The following VPS13B variants were observed in gnomAD, a reference collection of about 807,000 sequenced individuals.
The protein encoded by VPS13B is vacuolar protein sorting 13 homolog B, also known as intermembrane lipid transfer protein VPS13B.
A neutral mutation model predicts 426.4 loss-of-function variants in VPS13B; 285 were observed. The ratio of observed to expected loss-of-function variants is 0.67; its 90% CI spans 0.61 to 0.74. The LOEUF (loss-of-function observed/expected upper bound fraction) is 0.74, where lower values mean the gene tolerates loss of function less well. Ranked by LOEUF, VPS13B falls within the 30% of genes least tolerant of loss-of-function variation. The probability of loss-of-function intolerance (pLI) is 0.00; values close to 1 mark genes in which losing one functional copy is unlikely to be tolerated. For missense variants in VPS13B, 4,537 were observed against 4,782.6 expected (o/e 0.95, Z 1.51); for synonymous variants, 1,676 against 1,676.4 (o/e 1.00, Z 0.01).
At chr8:99,182,862 G>A (rs1335604115) in intron 16 of VPS13B, among the ~76,000 whole-genome samples, 1 of 152,188 alleles carries the variant, frequency 6.6e-6, no homozygotes, top group East Asian at 1.9e-4. Flanking sequence ...TCAGCCTTCT[G>A]AGTAGCTGGG....
chr8:99,393,290 T>C (rs926329998), intron 21 of VPS13B, among the ~76,000 whole-genome samples: 1 of 152,142 alleles, frequency 6.6e-6, no homozygotes, highest in African/African-American at 2.4e-5. Flanking sequence ...TATCAATTCA[T>C]AAATGATATC....
chr8:99,638,238 G>A (rs2096123589), intron 33 of VPS13B, among the ~76,000 whole-genome samples: 1 of 152,020 alleles, frequency 6.6e-6, no homozygotes, highest in Non-Finnish European at 1.5e-5. Context: ...CTAACATGAT[G>A]TTTCCTCTTA....
intron 3 of VPS13B, among the ~76,000 whole-genome samples, chr8:99,076,645 G>T: frequency 7.1e-6 from 1 of 140,138 alleles, no homozygotes; most frequent in Non-Finnish European, 1.5e-5. Context: ...TTCATTTAAA[G>T]TCTGTTTTAT....
intron 31 of VPS13B, among the ~76,000 whole-genome samples, chr8:99,564,786 T>C (rs1220548467): frequency 6.6e-6 from 1 of 152,250 alleles, no homozygotes; most frequent in Non-Finnish European, 1.5e-5. Context: ...GTTCTTTGGC[T>C]TGTCCAGTGT....
chr8:99,569,931 C>T (rs1355584767), intron 31 of VPS13B, among the ~76,000 whole-genome samples: 1 of 152,144 alleles, frequency 6.6e-6, no homozygotes, highest in Non-Finnish European at 1.5e-5. Flanking sequence ...TTTCTATGGA[C>T]ATAATCCTCT....
intron 17 of VPS13B, among the ~76,000 whole-genome samples, chr8:99,269,787 C>T (rs181790120): frequency 6.6e-5 from 10 of 152,228 alleles, no homozygotes; most frequent in African/African-American, 2.2e-4. Flanking sequence ...TTCTATTGCT[C>T]ACATTTGGGG....
At chr8:99,846,869 C>T (rs1816011876) in intron 54 of VPS13B, among the ~76,000 whole-genome samples, 1 of 152,210 alleles carries the variant, frequency 6.6e-6, no homozygotes, top group Admixed American at 6.5e-5. Context: ...TTCGCATCCC[C>T]TCCCTCTCTC....
At chr8:99,044,102 T>TTTTTTTTTG (rs1843095500) in intron 3 of VPS13B, among the ~76,000 whole-genome samples, 1 of 147,030 alleles carries the variant, frequency 6.8e-6, no homozygotes, top group Non-Finnish European at 1.5e-5. Flanking sequence ...TTTTTTTTTT[T>TTTTTTTTTG]GAGACGGAGT....
At chr8:99,130,927 A>T (rs1431159577) in intron 8 of VPS13B, among the ~76,000 whole-genome samples, 1 of 152,208 alleles carries the variant, frequency 6.6e-6, no homozygotes, top group African/African-American at 2.4e-5. Flanking sequence ...TTGATACTCA[A>T]TATAGAGAAG....
At position 99,103,132 on chromosome 8, in the gene VPS13B, T is replaced by C; in HGVS notation, c.580+12T>C. ...CATGGATATTTCTGGTGAGTAAATA[T>C]GGAGAATACCGTATATTTTTCCATA... On this transcript the variant is annotated intron_variant, in intron 5 of 61. Coordinates refer to ENST00000357162, the MANE Select transcript of VPS13B (RefSeq NM_152564.5). The C allele has an allele frequency of 6.2e-7, 1 of 1,613,544 alleles. No individual in the cohort carries two copies. Among genetic ancestry groups the C allele is most frequent in the Non-Finnish European group, 8.5e-7 (1 of 1,179,574 alleles).
intron 31 of VPS13B, among the ~76,000 whole-genome samples, chr8:99,570,870 T>G (rs1040466313): frequency 2.0e-5 from 3 of 152,186 alleles, no homozygotes; most frequent in African/African-American, 7.2e-5. Flanking sequence ...GTGCTACTGC[T>G]GTATAAATAA....
At chr8:99,815,482 G>A (rs377395798) in intron 44 of VPS13B, among the ~76,000 whole-genome samples, 9 of 152,130 alleles carry the variant, frequency 5.9e-5, no homozygotes, top group African/African-American at 2.2e-4. Context: ...ACCCATGGTG[G>A]GGAAGACAAT....
chr8:99,773,746 G>A (rs558896341), intron 40 of VPS13B, among the ~76,000 whole-genome samples: 216 of 152,282 alleles, frequency 1.4e-3, no homozygotes, highest in African/African-American at 4.9e-3. Flanking sequence ...AGTTAAAAGT[G>A]AAGAGCACCA....
intron 23 of VPS13B, among the ~76,000 whole-genome samples, chr8:99,449,857 G>C (rs1818101379): frequency 6.6e-6 from 1 of 152,038 alleles, no homozygotes; most frequent in Non-Finnish European, 1.5e-5. Flanking sequence ...CACCAGGCTG[G>C]AGTGAAGTGG....
At chr8:99,535,939 T>C (rs1383931373) in intron 30 of VPS13B, among the ~76,000 whole-genome samples, 8 of 152,028 alleles carry the variant, frequency 5.3e-5, no homozygotes, top group African/African-American at 1.9e-4. Flanking sequence ...ATATAAATGA[T>C]TTTAATCCAA....
Position 99,875,622 on chromosome 8 carries a change from T to C in VPS13B, c.11950T>C (p.Phe3984Leu). 1 of 1,614,174 alleles carries C rather than the reference T, an allele frequency of 6.2e-7. No homozygotes were observed. The highest frequency in any genetic ancestry group is 8.5e-7 in the Non-Finnish European group (1 of 1,180,042). Residue 3984 changes from phenylalanine to leucine, a missense_variant, in exon 62 of 62, where the codon TTT (phenylalanine) becomes CTT (leucine). By Grantham distance (22) the Phe-to-Leu change is conservative (BLOSUM62 0). This residue lies in a region of VPS13B where 4,311 missense variants were observed against 4,474.3 expected (regional missense o/e 0.96). Transcript: ENST00000357162. ...PHFAQVFLSK[F>L]TMVKNKALRK... Reference sequence around the variant, plus strand: ...TTTTGCTCAGGTCTTCCTTAGTAAATTTACCATGGTGAAAAATAAAGCCCT... The same window carrying C: ...TTTTGCTCAGGTCTTCCTTAGTAAACTTACCATGGTGAAAAATAAAGCCCT...
chr8:99,493,674 C>T (rs967050072), intron 25 of VPS13B, among the ~76,000 whole-genome samples: 2 of 149,962 alleles, frequency 1.3e-5, no homozygotes, highest in Non-Finnish European at 3.0e-5. Flanking sequence ...AATCCCGATT[C>T]GGGAGGCTGC....
At chr8:99,724,568 G>T (rs1318647845) in intron 39 of VPS13B, among the ~76,000 whole-genome samples, 1 of 151,990 alleles carries the variant, frequency 6.6e-6, no homozygotes, top group Non-Finnish European at 1.5e-5. Flanking sequence ...TTGAGCTTCA[G>T]TTTCCTCAAC....
At chr8:99,130,819 G>A (rs1809743811) in intron 8 of VPS13B, among the ~76,000 whole-genome samples, 1 of 151,996 alleles carries the variant, frequency 6.6e-6, no homozygotes, top group Non-Finnish European at 1.5e-5. Flanking sequence ...TAGCTACATT[G>A]TATATATCAG....
Sources: gnomAD v4.1 joint callset for allele counts (sites outside exome capture counted in the v4.1 genomes callset) on GRCh38, gnomAD v4.1.1 for gene constraint, gnomAD v4.1.1 regional missense constraint, MANE v1.5 for transcripts, NCBI Gene and HGNC (gene_info 2026-07-23, HGNC 2026-07-21) for gene names.